The following SP7 variants were observed in gnomAD, a reference collection of about 807,000 sequenced individuals.
SP7 encodes the protein Sp7 transcription factor.
Under a neutral mutation model 27.9 loss-of-function variants are expected in SP7, and 13 were observed. That is an observed-to-expected ratio of 0.47 (90% confidence interval 0.30 to 0.74). The LOEUF is 0.74. Among genes scored for constraint, SP7 ranks in the 30% least tolerant of loss-of-function variants. The pLI is 0.06. For missense variants in SP7, 525 were observed against 558.0 expected, an observed-to-expected ratio of 0.94 and a Z score of 0.60; for synonymous variants, 219 against 226.7, an observed-to-expected ratio of 0.97 and a Z score of 0.31.
At chr12:53,339,593 C>T (rs566809418), upstream of SP7, among the ~76,000 whole-genome samples, 4 of 152,024 alleles carry the variant, frequency 2.6e-5, no homozygotes, top group East Asian at 1.9e-4. Context: ...AGCGTGGTGA[C>T]GGGTGCCTGT....
At position 53,336,328 on chromosome 12, in the gene SP7, T is replaced by G. The variant is rs1944770441; in HGVS notation, c.-230A>C. 6.3e-6 allele frequency: 1 copy of G among 157,742 alleles called. No individual in the cohort carries two copies. The highest frequency in any genetic ancestry group is 2.4e-5 in the African/African-American group (1 of 41,466). The allele number at this position is 157,742 out of a possible 1,614,324, so 9.8% of individuals were successfully genotyped here. A position where few individuals can be genotyped will look rare whatever the true frequency, so the allele number is the denominator to read the frequency against. ...ACTCTGACTCCAGAGTCCTTGCTGCTGCTCGGCGGCTGCTGCTTCTGCTAC... is the reference window on the plus strand; with the variant it reads ...ACTCTGACTCCAGAGTCCTTGCTGCGGCTCGGCGGCTGCTGCTTCTGCTAC... On this transcript the variant is annotated 5_prime_UTR_variant, in exon 1 of 3. Coordinates refer to ENST00000536324, the MANE Select transcript of SP7 (RefSeq NM_001173467.3).
chr12:53,341,813 C>A (rs549288155), intron 1 of SP7, among the ~76,000 whole-genome samples: 3 of 152,336 alleles, frequency 2.0e-5, no homozygotes, highest in Admixed American at 6.5e-5. Context: ...GTAATCCCAG[C>A]ACTTTGAGAG....
chr12:53,329,496 G>C (rs532784963), intron 2 of SP7, 76 bp from the exon 3 acceptor site: 1 of 1,252,630 alleles, frequency 8.0e-7, no homozygotes, highest in Admixed American at 2.0e-5. Flanking sequence ...TTAGGACTGA[G>C]ACCTAGAGAC....
At position 53,329,178 on chromosome 12, in the gene SP7, A is replaced by G; in HGVS notation, c.264T>C (p.Tyr88=). The change falls in exon 3 of 3, where the codon TAT becomes TAC. Residue 88 remains tyrosine (Y), a synonymous_variant. Transcript: ENST00000536324. ...GGGAAAAGGGAGGGTAATCATTAGC[A>G]TAGCCTGAGGTGGGTGCTGGAGGAC... The part of the protein sequence containing the change: ...AGSPPAPTSG[Y]ANDYPPFSHS... 1.2e-6 allele frequency: 2 copies of G among 1,613,820 alleles called. No homozygotes were observed. Among genetic ancestry groups the G allele is most frequent in the South Asian group, 1.1e-5 (1 of 91,078 alleles).
chr12:53,333,763 G>A (rs901246008), intron 2 of SP7, among the ~76,000 whole-genome samples: 1 of 75,544 alleles, frequency 1.3e-5, no homozygotes, highest in Admixed American at 1.5e-4. Flanking sequence ...ATACAAGGTG[G>A]AGGGCTTCCT....
chr12:53,336,799 G>C (rs1944777007), upstream of SP7, among the ~76,000 whole-genome samples: 2 of 152,030 alleles, frequency 1.3e-5, no homozygotes, highest in Admixed American at 1.3e-4. Flanking sequence ...AAGGTTCTGA[G>C]GTGGAGGTTT....
At position 53,329,153 on chromosome 12, in the gene SP7, G is replaced by A. The variant is rs1281663827; in HGVS notation, c.289C>T (p.His97Tyr). 6.2e-7 allele frequency: 1 copy of A among 1,613,872 alleles called. No homozygotes were observed. Among genetic ancestry groups the A allele is most frequent in the South Asian group, 1.1e-5 (1 of 91,082 alleles). The part of the protein sequence containing the change: ...GYANDYPPFS[H>Y]SFPGPTGTQD... ...GTGCCTGTGGGCCCAGGGAATGAGT[G>A]GGAAAAGGGAGGGTAATCATTAGCA... Residue 97 changes from histidine to tyrosine, a missense_variant, in exon 3 of 3, where the codon CAC becomes TAC. Physicochemically the swap from His to Tyr is moderately conservative, Grantham distance 83. Coordinates refer to ENST00000536324, the MANE Select transcript of SP7 (RefSeq NM_001173467.3).
intron 1 of SP7, among the ~76,000 whole-genome samples, chr12:53,342,817 AAAATAAAT>A (rs554569574): frequency 6.6e-6 from 1 of 151,702 alleles, no homozygotes; most frequent in South Asian, 2.1e-4. Flanking sequence ...TCCGTCTCAA[AAAATAAAT>A]AAATAAATAA....
Position 53,328,639 on chromosome 12 carries a change from G to A in SP7, c.803C>T (p.Ser268Phe), listed in dbSNP as rs1944663543. 6.2e-7 allele frequency: 1 copy of A among 1,609,902 alleles called. No homozygotes were observed. Among genetic ancestry groups the A allele is most frequent in the African/African-American group, 1.3e-5 (1 of 74,856 alleles). The change falls in exon 3 of 3, where the codon TCC (serine) becomes TTC (phenylalanine). Residue 268 changes from serine to phenylalanine, a missense_variant. Physicochemically the swap from Ser to Phe is radical, Grantham distance 155 (BLOSUM62 -2). Transcript: ENST00000536324. This position sits in a 1 kb window ranked among gnomAD's most constrained non-coding sequence, Gnocchi z 5.1. Reference sequence around the variant, plus strand: ...CTGGCAATTAGGGCAGTCGCAGGAGGAGCGCCCTGCCCCACTGCCCCCATA... The same window carrying A: ...CTGGCAATTAGGGCAGTCGCAGGAGAAGCGCCCTGCCCCACTGCCCCCATA... ...GGYGGSGAGR[S>F]SCDCPNCQEL...
intron 2 of SP7, among the ~76,000 whole-genome samples, chr12:53,331,484 A>AAG (rs1482775701): frequency 6.6e-6 from 1 of 151,018 alleles, no homozygotes. Flanking sequence ...AAAAAAAAAA[A>AAG]AAAAGAAAGG....
chr12:53,329,442 G>A (rs778878242), intron 2 of SP7, 22 bp from the exon 3 acceptor site: 2 of 1,608,664 alleles, frequency 1.2e-6, no homozygotes, highest in Admixed American at 3.3e-5. Flanking sequence ...GGGACGCACT[G>A]CTTAGGGAGA....
chr12:53,336,696 C>T (rs776859161), upstream of SP7, among the ~76,000 whole-genome samples: 18 of 152,034 alleles, frequency 1.2e-4, no homozygotes, highest in Non-Finnish European at 2.5e-4. Flanking sequence ...ACCCACCTGC[C>T]TCTAGATCAG....
chr12:53,335,876 G>A (rs754150028), intron 1 of SP7, 183 bp from the exon 2 acceptor site: 69 of 1,333,332 alleles, frequency 5.2e-5, no homozygotes, highest in Non-Finnish European at 6.4e-5. Flanking sequence ...TGAGGAGGGC[G>A]AGAGAGGGAG....
Position 53,329,236 on chromosome 12 carries a change from G to A in SP7, c.206C>T (p.Thr69Ile), listed in dbSNP as rs771249326. The A allele has an allele frequency of 1.9e-6, 3 of 1,613,724 alleles. No individual in the cohort carries two copies. Among genetic ancestry groups the A allele is most frequent in the African/African-American group, 2.7e-5 (2 of 74,920 alleles). Residue 69 changes from threonine to isoleucine, a missense_variant, in exon 3 of 3, where the codon ACA becomes ATA. By Grantham distance (89) the Thr-to-Ile change is moderately conservative. Transcript: ENST00000536324. ...AGGTGAAAGGAGCCCATTAGTGCTT[G>A]TAAAGGGGGCTGGATAAGCATCCCC... ...TMGDAYPAPFTSTNGLLSPAG... is the reference protein window; with the variant it reads ...TMGDAYPAPFISTNGLLSPAG...
At position 53,326,865 on chromosome 12, in the gene SP7, T is replaced by C. The variant is rs1053451651; in HGVS notation, c.*1281A>G. On this transcript the variant is annotated 3_prime_UTR_variant, in exon 3 of 3. Transcript: ENST00000536324. ...GCCTCTGTCCTCCTAGCTCTTTAAG[T>C]TCTTTCTCAGGGCTTCTAGGCACCA... The C allele has an allele frequency of 4.6e-5, 7 of 152,288 alleles. No homozygotes were observed. Among genetic ancestry groups the C allele is most frequent in the African/African-American group, 1.7e-4 (7 of 41,450 alleles). The allele number at this position is 152,288 out of a possible 1,614,324, so 9.4% of individuals were successfully genotyped here.
upstream of SP7, among the ~76,000 whole-genome samples, chr12:53,340,463 C>G (rs754803646): frequency 2.0e-5 from 3 of 152,160 alleles, no homozygotes; most frequent in Non-Finnish European, 4.4e-5. Context: ...TACTTTTGAT[C>G]CAATACTCCA....
intron 2 of SP7, among the ~76,000 whole-genome samples, chr12:53,332,905 A>G (rs1944722461): frequency 6.6e-6 from 1 of 151,498 alleles, no homozygotes; most frequent in Admixed American, 6.6e-5. Flanking sequence ...CGGTCGGTTT[A>G]TTTTTAAAAA....
chr12:53,340,547 C>A (rs939027391), upstream of SP7, among the ~76,000 whole-genome samples: 4 of 152,158 alleles, frequency 2.6e-5, 1 homozygote, highest in African/African-American at 7.2e-5. Context: ...AGCATCCCTA[C>A]CCCCACCCAG....
At chr12:53,333,253 C>T (rs991354285) in intron 2 of SP7, among the ~76,000 whole-genome samples, 1 of 152,184 alleles carries the variant, frequency 6.6e-6, no homozygotes, top group Non-Finnish European at 1.5e-5. Context: ...ACATGTGTCC[C>T]CATACCTGAT....
Sources: gnomAD v4.1 joint callset for allele counts (sites outside exome capture counted in the v4.1 genomes callset) on GRCh38, gnomAD v4.1.1 for gene constraint, Gnocchi (gnomAD v3.1) non-coding constraint, MANE v1.5 for transcripts, NCBI Gene and HGNC (gene_info 2026-07-23, HGNC 2026-07-21) for gene names.